Variants in BIRC6 observed in about 807,000 individuals in gnomAD.
BIRC6 encodes dual E2 ubiquitin-conjugating enzyme/E3 ubiquitin-protein ligase BIRC6.
Under a neutral mutation model 503.3 loss-of-function variants are expected in BIRC6, and 98 were observed. The ratio of observed to expected loss-of-function variants is 0.19; its 90% CI spans 0.17 to 0.23. The LOEUF is 0.23. BIRC6 is among the 10% of genes least tolerant of loss of function. The probability of loss-of-function intolerance (pLI) is 1.00; values close to 1 mark genes in which losing one functional copy is unlikely to be tolerated. For synonymous variants in BIRC6, 2,240 were observed against 2,078.7 expected, an observed-to-expected ratio of 1.08 and a Z score of -2.11; for missense variants, 5,360 against 5,806.0, an observed-to-expected ratio of 0.92 and a Z score of 2.50.
intron 22 of BIRC6, among the ~76,000 whole-genome samples, chr2:32,451,501 C>T (rs537891785): frequency 5.3e-5 from 8 of 152,054 alleles, no homozygotes; most frequent in South Asian, 2.1e-4. Flanking sequence ...ATAAAAATGT[C>T]GGTTTCATTT....
intron 65 of BIRC6, among the ~76,000 whole-genome samples, chr2:32,567,102 C>T (rs1187752971): frequency 6.6e-6 from 1 of 152,204 alleles, no homozygotes; most frequent in African/African-American, 2.4e-5. Flanking sequence ...TCCCGATTAG[C>T]TGGGATTACA....
chr2:32,386,444 C>T (rs4952211), intron 3 of BIRC6, among the ~76,000 whole-genome samples: 74,607 of 145,908 alleles, frequency 0.51, 19,028 homozygotes, highest in East Asian at 0.68. Flanking sequence ...GTCTCTCTCT[C>T]TTTTTTTTTT....
intron 3 of BIRC6, among the ~76,000 whole-genome samples, chr2:32,384,473 A>G (rs2038156034): frequency 6.6e-6 from 1 of 152,036 alleles, no homozygotes; most frequent in Non-Finnish European, 1.5e-5. Flanking sequence ...GCAATGGACT[A>G]TATAATATTA....
At chr2:32,492,214 T>C (rs1171617846) in intron 44 of BIRC6, among the ~76,000 whole-genome samples, 2 of 152,112 alleles carry the variant, frequency 1.3e-5, no homozygotes, top group Non-Finnish European at 2.9e-5. Flanking sequence ...TCTAATTTAG[T>C]TGTCCTCAAC....
chr2:32,467,829 C>T, intron 27 of BIRC6, 74 bp from the exon 28 acceptor site: 1 of 1,433,688 alleles, frequency 7.0e-7, no homozygotes, highest in Non-Finnish European at 9.4e-7. Flanking sequence ...ATATAACTAT[C>T]TTTTTAAATA....
At chr2:32,496,056 T>A (rs2052426487) in intron 45 of BIRC6, among the ~76,000 whole-genome samples, 1 of 152,092 alleles carries the variant, frequency 6.6e-6, no homozygotes, top group Non-Finnish European at 1.5e-5. Flanking sequence ...TTAGCCAGGA[T>A]GGTCTTGATC....
At chr2:32,473,074 T>G in intron 32 of BIRC6, 38 bp from the exon 33 acceptor site, 1 of 1,506,842 alleles carries the variant, frequency 6.6e-7, no homozygotes, top group African/African-American at 1.4e-5. Flanking sequence ...AAATCACATT[T>G]AACAGAATTA....
At chr2:32,607,781 C>A in intron 72 of BIRC6, 138 bp downstream of exon 72, 1 of 564,638 alleles carries the variant, frequency 1.8e-6, no homozygotes, top group Non-Finnish European at 2.8e-6. Context: ...AGTCTGAGAC[C>A]AGCCTGGCCA....
chr2:32,400,334 A>ATTTTT (rs2040458526), intron 6 of BIRC6, among the ~76,000 whole-genome samples: 1 of 137,062 alleles, frequency 7.3e-6, no homozygotes. Flanking sequence ...CTGCTTTCAG[A>ATTTTT]TCTTTTTTTT....
intron 20 of BIRC6, 139 bp downstream of exon 20, chr2:32,443,727 G>C (rs2045664025): frequency 1.5e-6 from 1 of 678,514 alleles, no homozygotes. Flanking sequence ...TGAAGGGATC[G>C]ATAGATTGTA....
intron 33 of BIRC6, among the ~76,000 whole-genome samples, 168 bp downstream of exon 33, chr2:32,473,407 G>A (rs566644241): frequency 4.6e-5 from 7 of 152,162 alleles, no homozygotes; most frequent in Non-Finnish European, 7.4e-5. Flanking sequence ...TTAAAATGAC[G>A]ACAATGTATA....
intron 9 of BIRC6, among the ~76,000 whole-genome samples, chr2:32,411,018 A>T (rs1191118339): frequency 6.7e-6 from 1 of 150,206 alleles, no homozygotes; most frequent in African/African-American, 2.5e-5. Context: ...CAACTTTCAA[A>T]CCTTCATGGA....
At position 32,357,181 on chromosome 2, in the gene BIRC6, C is replaced by G. The variant is rs1428675741; in HGVS notation, c.20C>G (p.Ala7Gly). 2 of 1,533,254 alleles carry G rather than the reference C, an allele frequency of 1.3e-6. No homozygotes were observed. The highest frequency in any genetic ancestry group is 1.2e-5 in the South Asian group (1 of 82,376). The allele number at this position is 1,533,254 out of a possible 1,614,324, so 95.0% of individuals were successfully genotyped here. A position where few individuals can be genotyped will look rare whatever the true frequency, so the allele number is the denominator to read the frequency against. The change falls in exon 1 of 74, where the codon GCT becomes GGT. Residue 7 changes from alanine (A) to glycine (G), a missense_variant. Around this residue, in one of 16 missense-constraint regions of BIRC6, gnomAD observed 145 missense variants for 106.9 expected, o/e 1.36. Transcript: ENST00000421745. This position sits in a 1 kb window ranked among gnomAD's most constrained non-coding sequence, Gnocchi z 4.9. MVTGGG[A>G]APPGTVTEPL... ...CCCCGGATGGTGACTGGTGGTGGTGCTGCACCTCCCGGGACTGTCACTGAG... is the reference window on the plus strand; with the variant it reads ...CCCCGGATGGTGACTGGTGGTGGTGGTGCACCTCCCGGGACTGTCACTGAG...
rs1359781646 is a variant in BIRC6, at chr2:32,468,772, A to G, written c.6116A>G (p.His2039Arg). The change falls in exon 29 of 74, where the codon CAT becomes CGT. Residue 2039 changes from histidine to arginine, a missense_variant. His to Arg is a conservative substitution (Grantham distance 29, BLOSUM62 0). Around this residue, in one of 16 missense-constraint regions of BIRC6, gnomAD observed 2,299 missense variants for 2,267.2 expected, o/e 1.01. Transcript: ENST00000421745. The stretch of plus-strand genomic sequence containing the variant: ...CTGGACACTTTGCTCAGCCTGCTTC[A>G]TGCTTCTAATGGTTTGTATTTGGCT... ...YLLDTLLSLLHASNGHSVPAV... is the reference protein window; with the variant it reads ...YLLDTLLSLLRASNGHSVPAV... The G allele has an allele frequency of 6.3e-7, 1 of 1,596,106 alleles. No individual in the cohort carries two copies. Among genetic ancestry groups the G allele is most frequent in the Admixed American group, 1.7e-5 (1 of 59,268 alleles).
chr2:32,478,119 A>G (rs2049975416), intron 35 of BIRC6, among the ~76,000 whole-genome samples: 1 of 152,054 alleles, frequency 6.6e-6, no homozygotes, highest in Non-Finnish European at 1.5e-5. Flanking sequence ...GGGGCGGATC[A>G]CAAGTTGAAG....
chr2:32,553,266 T>G (rs1194920977), intron 65 of BIRC6, among the ~76,000 whole-genome samples: 2 of 74,416 alleles, frequency 2.7e-5, no homozygotes, highest in African/African-American at 1.0e-4. Flanking sequence ...CTTTTTGAAT[T>G]TACTGTTTCT....
At chr2:32,372,294 C>T (rs958068809) in intron 1 of BIRC6, among the ~76,000 whole-genome samples, 1 of 152,076 alleles carries the variant, frequency 6.6e-6, no homozygotes, top group Non-Finnish European at 1.5e-5. Flanking sequence ...ACTTTGTAGT[C>T]ACATCTTCCC....
intron 65 of BIRC6, chr2:32,564,839 G>A (rs962776367): frequency 3.3e-5 from 5 of 152,230 alleles, no homozygotes; most frequent in African/African-American, 4.8e-5. Context: ...CTAAGGCATA[G>A]CTTTCCAACT....
intron 50 of BIRC6, among the ~76,000 whole-genome samples, chr2:32,506,665 T>G (rs1572686846): frequency 6.6e-6 from 1 of 152,246 alleles, no homozygotes; most frequent in Admixed American, 6.5e-5. Context: ...TTAATTGGTT[T>G]AGGTGTTCCC....
Sources: allele counts gnomAD v4.1 joint callset (sites outside exome capture counted in the v4.1 genomes callset), GRCh38; gene constraint gnomAD v4.1.1; regional missense constraint gnomAD v4.1.1; non-coding constraint Gnocchi (gnomAD v3.1); transcripts MANE v1.5; gene names NCBI Gene and HGNC (gene_info 2026-07-23, HGNC 2026-07-21).